GLIS1: variants seen among roughly 807,000 people sequenced by gnomAD.
GLIS1 encodes the protein zinc finger protein GLIS1.
Under a neutral mutation model 63.8 loss-of-function variants are expected in GLIS1, and 24 were observed. The observed-to-expected ratio is 0.38, with a 90% CI of 0.27 to 0.53. The LOEUF is 0.53. Ranked by LOEUF, GLIS1 falls within the 20% of genes least tolerant of loss-of-function variation. The pLI, the probability that GLIS1 is intolerant of heterozygous loss-of-function variation, is 0.85. For synonymous variants in GLIS1, 450 were observed against 482.5 expected, an observed-to-expected ratio of 0.93 and a Z score of 0.88; for missense variants, 1,036 against 1,074.1, an observed-to-expected ratio of 0.96 and a Z score of 0.50.
At chr1:53,587,057 T>C (rs1223271430) in intron 4 of GLIS1, among the ~76,000 whole-genome samples, 1 of 151,970 alleles carries the variant, frequency 6.6e-6, no homozygotes, top group Non-Finnish European at 1.5e-5. Flanking sequence ...TTGTGAAGGA[T>C]GTATAGGAGT....
chr1:53,624,111 A>G (rs1645571579), intron 2 of GLIS1, among the ~76,000 whole-genome samples: 1 of 152,244 alleles, frequency 6.6e-6, no homozygotes, highest in Non-Finnish European at 1.5e-5. Context: ...AATTAAGAAC[A>G]AAGTTGGAGA....
At chr1:53,734,210 G>A in intron 2 of GLIS1, 3 of 984,838 alleles carry the variant, frequency 3.0e-6, no homozygotes, top group Middle Eastern at 5.2e-4. Flanking sequence ...CAGTGAAAGG[G>A]CCCAGTGAGT....
At position 53,560,398 on chromosome 1, in the gene GLIS1, G is replaced by T. The variant is rs1459369460; in HGVS notation, c.1321-30446C>A. 6.6e-6 allele frequency among the ~76,000 whole-genome samples: 1 copy of T among 152,210 alleles called. No individual in the cohort carries two copies. The highest frequency in any genetic ancestry group is 1.5e-5 in the Non-Finnish European group (1 of 68,032). On this transcript the variant is annotated intron_variant, in intron 4 of 10. Transcript: ENST00000628545. The surrounding 1 kb of genome is among the most constrained non-coding windows in gnomAD (Gnocchi z 4.4). ...CCTGGGCCTCACGAGTCAGGCAGGA[G>T]CTCGCTCCCTGTTTGCAAGGGCAGG... is the stretch of plus-strand genomic sequence containing the variant.
intron 4 of GLIS1, among the ~76,000 whole-genome samples, chr1:53,583,839 A>G (rs906630941): frequency 6.6e-6 from 1 of 152,230 alleles, no homozygotes; most frequent in African/African-American, 2.4e-5. Flanking sequence ...GTGGAAAACA[A>G]AGAACAGTTG....
intron 2 of GLIS1, among the ~76,000 whole-genome samples, chr1:53,720,427 A>G (rs980124214): frequency 4.6e-5 from 7 of 152,202 alleles, no homozygotes; most frequent in African/African-American, 1.4e-4. Context: ...CCTTATACTC[A>G]TATGTGAGAG....
intron 2 of GLIS1, among the ~76,000 whole-genome samples, chr1:53,707,980 AG>A (rs1646597777): frequency 6.6e-6 from 1 of 151,764 alleles, no homozygotes; most frequent in African/African-American, 2.4e-5. Context: ...CTCTCCCCAG[AG>A]CTCTGAAAGG....
At chr1:53,680,857 G>A (rs896210963) in intron 2 of GLIS1, among the ~76,000 whole-genome samples, 6 of 152,202 alleles carry the variant, frequency 3.9e-5, no homozygotes, top group South Asian at 2.1e-4. Flanking sequence ...AGGGTGAGAC[G>A]TATCTGAAGA....
chr1:53,548,671 G>A (rs1644729236), intron 4 of GLIS1, among the ~76,000 whole-genome samples: 1 of 152,210 alleles, frequency 6.6e-6, no homozygotes, highest in East Asian at 1.9e-4. Flanking sequence ...CCTAGAGGAA[G>A]GTCAAGCGTG....
At position 53,664,164 on chromosome 1, in the gene GLIS1, C is replaced by G. The variant is rs372547807; in HGVS notation, c.260-63886G>C. ...GGGAAAGCCTGGCACATCAGAGATT[C>G]TGGTGTGCCCCCACCCCAAACCCCA... On this transcript the variant is annotated intron_variant, in intron 2 of 10. Transcript: ENST00000628545. Among the ~76,000 whole-genome samples, 3 of 152,308 alleles carry G rather than the reference C, an allele frequency of 2.0e-5. No homozygotes were observed. In the South Asian group the frequency reaches 6.2e-4, roughly 32 times the overall value.
At chr1:53,623,496 C>T (rs985644115) in intron 2 of GLIS1, among the ~76,000 whole-genome samples, 23 of 152,172 alleles carry the variant, frequency 1.5e-4, no homozygotes, top group African/African-American at 4.8e-4. Context: ...AGGATGTCCG[C>T]ACTCACTACT....
At chr1:53,694,381 C>T (rs552727204) in intron 2 of GLIS1, among the ~76,000 whole-genome samples, 3 of 152,336 alleles carry the variant, frequency 2.0e-5, no homozygotes, top group Admixed American at 2.0e-4. Flanking sequence ...CAAGCTTATA[C>T]CTCCTCACTC....
intron 4 of GLIS1, among the ~76,000 whole-genome samples, chr1:53,562,832 G>A (rs752651966): frequency 1.1e-4 from 17 of 152,180 alleles, no homozygotes; most frequent in Admixed American, 2.0e-4. Flanking sequence ...ACTCAGCACC[G>A]TGAAAGATCA....
At chr1:53,728,729 A>G (rs903255235) in intron 2 of GLIS1, among the ~76,000 whole-genome samples, 1 of 152,262 alleles carries the variant, frequency 6.6e-6, no homozygotes, top group African/African-American at 2.4e-5. Flanking sequence ...AAGCCCACAG[A>G]TTATAAGAAA....
chr1:53,713,174 G>A lies in GLIS1; in HGVS notation c.259+24632C>T, dbSNP rs560557968. On this transcript the variant is annotated intron_variant, in intron 2 of 10. Transcript: ENST00000628545. ...ACCTCATCTCTTCAAGACCAGCCTGGGCAACATGGTGAGACCTCATCTCTT... is the reference window on the plus strand; with the variant it reads ...ACCTCATCTCTTCAAGACCAGCCTGAGCAACATGGTGAGACCTCATCTCTT... Among the ~76,000 whole-genome samples, 282 of 151,038 alleles carry A rather than the reference G, an allele frequency of 1.9e-3. 1 individual carries two copies. Among genetic ancestry groups the A allele is most frequent in the African/African-American group, 6.7e-3 (274 of 41,086 alleles).
chr1:53,562,614 C>T (rs573802481), intron 4 of GLIS1, among the ~76,000 whole-genome samples: 2 of 152,148 alleles, frequency 1.3e-5, no homozygotes, highest in Non-Finnish European at 2.9e-5. Flanking sequence ...CACACTGCCC[C>T]GGGGGCAGGC....
At chr1:53,712,761 C>T (rs955677933) in intron 2 of GLIS1, among the ~76,000 whole-genome samples, 5 of 152,192 alleles carry the variant, frequency 3.3e-5, no homozygotes, top group African/African-American at 4.8e-5. Flanking sequence ...CCATGTGAGG[C>T]TTTGTCTGGT....
chr1:53,710,185 C>A (rs981063493), intron 2 of GLIS1, among the ~76,000 whole-genome samples: 2 of 152,208 alleles, frequency 1.3e-5, no homozygotes, highest in Admixed American at 1.3e-4. Flanking sequence ...CCAAACACCA[C>A]CCGTCTCCAT....
chr1:53,689,953 C>T (rs1646384070), intron 2 of GLIS1, among the ~76,000 whole-genome samples: 1 of 152,190 alleles, frequency 6.6e-6, no homozygotes, highest in South Asian at 2.1e-4. Flanking sequence ...AGCGGAATGC[C>T]TTTCCCCTTG....
At chr1:53,533,496 C>T (rs1337221243) in intron 4 of GLIS1, among the ~76,000 whole-genome samples, 1 of 152,222 alleles carries the variant, frequency 6.6e-6, no homozygotes, top group Non-Finnish European at 1.5e-5. Flanking sequence ...TTCTGCTCCC[C>T]GCCCCCTGGA....
Sources: gnomAD v4.1 joint callset for allele counts (sites outside exome capture counted in the v4.1 genomes callset) on GRCh38, gnomAD v4.1.1 for gene constraint, Gnocchi (gnomAD v3.1) non-coding constraint, MANE v1.5 for transcripts, NCBI Gene and HGNC (gene_info 2026-07-23, HGNC 2026-07-21) for gene names.